Variants in SPTBN1 observed in about 807,000 individuals in gnomAD.
The protein encoded by SPTBN1 is spectrin beta, non-erythrocytic 1, also known as spectrin beta chain, non-erythrocytic 1.
In SPTBN1, 32 loss-of-function variants were observed where a neutral mutation model predicts 266.4. The observed-to-expected ratio is 0.12, with a 90% CI of 0.09 to 0.16. The LOEUF (loss-of-function observed/expected upper bound fraction) is 0.16, where lower values mean the gene tolerates loss of function less well. Ranked by LOEUF, SPTBN1 falls within the 10% of genes least tolerant of loss-of-function variation. The pLI, the probability that SPTBN1 is intolerant of heterozygous loss-of-function variation, is 1.00. For missense variants in SPTBN1, 2,296 were observed against 3,067.1 expected, an observed-to-expected ratio of 0.75 and a Z score of 5.94; for synonymous variants, 1,336 against 1,162.2, an observed-to-expected ratio of 1.15 and a Z score of -3.04.
At chr2:54,529,372 T>C in intron 2 of SPTBN1, 1 of 651,132 alleles carries the variant, frequency 1.5e-6, no homozygotes, top group Non-Finnish European at 2.8e-6. Context: ...AGAAGGAAGC[T>C]CCTGGCCCGC....
chr2:54,459,264 C>A (rs908215416), intron 1 of SPTBN1, among the ~76,000 whole-genome samples: 2 of 152,188 alleles, frequency 1.3e-5, no homozygotes, highest in African/African-American at 2.4e-5. Context: ...GGTCGTCTCC[C>A]ACAGTTGAGG....
chr2:54,631,055 G>A lies in SPTBN1; in HGVS notation c.3008G>A (p.Arg1003Gln), dbSNP rs1385625836. Reference protein sequence around the residue: ...ALQRKLTGMERDLVAIEAKLS... With the variant: ...ALQRKLTGMEQDLVAIEAKLS... ...CAGCGCAAGCTGACCGGCATGGAGC[G>A]GGACTTGGTGGCCATTGAGGCAAAG... Residue 1003 changes from arginine (R) to glutamine (Q), a missense_variant, in exon 16 of 36, where the codon CGG (arginine) becomes CAG (glutamine). By Grantham distance (43) the Arg-to-Gln change is conservative. This residue lies in a region of SPTBN1 where 128 missense variants were observed against 176.5 expected (regional missense o/e 0.73). Transcript: ENST00000356805. 7 of 1,613,942 alleles carry A rather than the reference G, an allele frequency of 4.3e-6. No individual in the cohort carries two copies. The highest frequency in any genetic ancestry group is 2.2e-5 in the East Asian group (1 of 44,878).
intron 2 of SPTBN1, among the ~76,000 whole-genome samples, chr2:54,560,328 G>A (rs549697759): frequency 6.6e-6 from 1 of 151,930 alleles, no homozygotes; most frequent in Non-Finnish European, 1.5e-5. Context: ...GCACCCACCG[G>A]GATCGTCAGC....
chr2:54,660,122 A>C (rs772218559), intron 32 of SPTBN1, 123 bp downstream of exon 32: 4 of 1,595,860 alleles, frequency 2.5e-6, no homozygotes, highest in East Asian at 2.2e-5. Flanking sequence ...ACCCTTTCCA[A>C]ATCCTCTGGG....
chr2:54,611,896 A>G (rs1677240755), intron 3 of SPTBN1, among the ~76,000 whole-genome samples: 2 of 152,218 alleles, frequency 1.3e-5, no homozygotes, highest in Non-Finnish European at 2.9e-5. Context: ...TCTTCCCTGA[A>G]CTTAAACAAA....
chr2:54,524,198 C>CA lies in SPTBN1; in HGVS notation c.-47-2163dup, dbSNP rs796689748. Among the ~76,000 whole-genome samples, 396 of 145,824 alleles carry CA rather than the reference C, an allele frequency of 2.7e-3. 3 individuals are homozygous for CA. Among genetic ancestry groups the CA allele is most frequent in the African/African-American group, 8.4e-3 (336 of 39,942 alleles). ...TGGGTGACAGAGCGAAACTCCATCT[C>CA]AAAAAAAAAAATGTTGATAATTTAT... On this transcript the variant is annotated intron_variant, in intron 1 of 35. Coordinates refer to ENST00000356805, the MANE Select transcript of SPTBN1 (RefSeq NM_003128.3).
At chr2:54,633,735 A>C (rs924996805) in intron 17 of SPTBN1, among the ~76,000 whole-genome samples, 1 of 152,144 alleles carries the variant, frequency 6.6e-6, no homozygotes, top group Non-Finnish European at 1.5e-5. Context: ...GAAAGGAAAA[A>C]TATTCCTTTG....
At chr2:54,577,338 C>G (rs991174490) in intron 2 of SPTBN1, among the ~76,000 whole-genome samples, 6 of 152,226 alleles carry the variant, frequency 3.9e-5, no homozygotes, top group African/African-American at 1.4e-4. Flanking sequence ...TCCCCCAAGG[C>G]TCTTCTGGGT....
chr2:54,616,363 A>AC, intron 5 of SPTBN1, 65 bp downstream of exon 5: 2 of 1,417,432 alleles, frequency 1.4e-6, no homozygotes, highest in South Asian at 1.3e-5. Context: ...TGCAGTCATC[A>AC]CTTAGAAGGT....
chr2:54,545,293 G>C (rs755148616), intron 2 of SPTBN1: 28 of 152,174 alleles, frequency 1.8e-4, no homozygotes, highest in Admixed American at 1.2e-3. Context: ...TATATACCCA[G>C]TATACTGTTG....
intron 29 of SPTBN1, among the ~76,000 whole-genome samples, chr2:54,657,471 C>G (rs1428322034): frequency 1.3e-5 from 2 of 152,132 alleles, no homozygotes; most frequent in Non-Finnish European, 2.9e-5. Flanking sequence ...TGAAATGTCT[C>G]AAATTGAGAT....
intron 1 of SPTBN1, chr2:54,520,186 T>C (rs1300302719): frequency 2.0e-5 from 3 of 152,230 alleles, no homozygotes; most frequent in Non-Finnish European, 2.9e-5. Flanking sequence ...CCTGCAAGTT[T>C]ATCTGATAAC....
intron 1 of SPTBN1, among the ~76,000 whole-genome samples, chr2:54,484,050 C>T (rs1386907148): frequency 6.6e-6 from 1 of 152,068 alleles, no homozygotes; most frequent in Admixed American, 6.6e-5. Flanking sequence ...CAAAAATTGG[C>T]TGGGCATGGT....
intron 2 of SPTBN1, among the ~76,000 whole-genome samples, chr2:54,594,282 A>G (rs1675899616): frequency 6.6e-6 from 1 of 152,142 alleles, no homozygotes; most frequent in Admixed American, 6.5e-5. Flanking sequence ...CTGTATCTGC[A>G]GGTTCCTCAT....
At chr2:54,623,068 C>T (rs1360780261) in intron 9 of SPTBN1, among the ~76,000 whole-genome samples, 1 of 151,986 alleles carries the variant, frequency 6.6e-6, no homozygotes, top group Non-Finnish European at 1.5e-5. Context: ...GTTCCAAAGT[C>T]GTTTTTTCTT....
At position 54,664,296 on chromosome 2, in the gene SPTBN1, A is replaced by T; in HGVS notation, c.6421-157A>T. 1.4e-6 allele frequency: 1 copy of T among 714,970 alleles called. No individual in the cohort carries two copies. The highest frequency in any genetic ancestry group is 2.0e-5 in the South Asian group (1 of 49,968). The allele number at this position is 714,970 out of a possible 1,614,324, so 44.3% of individuals were successfully genotyped here. On this transcript the variant is annotated intron_variant, in intron 32 of 35. Coordinates refer to ENST00000356805, the MANE Select transcript of SPTBN1 (RefSeq NM_003128.3). This position sits in a 1 kb window ranked among gnomAD's most constrained non-coding sequence, Gnocchi z 5.6. ...CCATTCCCACCTTCTAATGTCCTTGATGTCCAGCTGGCTTTGTGGGTGTGC... is the reference window on the plus strand; with the variant it reads ...CCATTCCCACCTTCTAATGTCCTTGTTGTCCAGCTGGCTTTGTGGGTGTGC...
chr2:54,576,736 G>A (rs1435438447), intron 2 of SPTBN1, among the ~76,000 whole-genome samples: 1 of 152,188 alleles, frequency 6.6e-6, no homozygotes, highest in Non-Finnish European at 1.5e-5. Context: ...TATTCAGCCA[G>A]CAAGTGGGTG....
At chr2:54,490,272 A>G (rs1349617112) in intron 1 of SPTBN1, among the ~76,000 whole-genome samples, 2 of 152,036 alleles carry the variant, frequency 1.3e-5, no homozygotes, top group Admixed American at 1.3e-4. Context: ...GGGTTTCACC[A>G]TGTTGGCCAG....
intron 2 of SPTBN1, among the ~76,000 whole-genome samples, chr2:54,552,127 G>A (rs1672606520): frequency 6.6e-6 from 1 of 152,180 alleles, no homozygotes; most frequent in Admixed American, 6.5e-5. Flanking sequence ...GGTCACCCTT[G>A]TTCCCAGCCT....
Sources: allele counts gnomAD v4.1 joint callset (sites outside exome capture counted in the v4.1 genomes callset), GRCh38; gene constraint gnomAD v4.1.1; regional missense constraint gnomAD v4.1.1; non-coding constraint Gnocchi (gnomAD v3.1); transcripts MANE v1.5; gene names NCBI Gene and HGNC (gene_info 2026-07-23, HGNC 2026-07-21).